Variants in SDK1 observed in about 807,000 individuals in gnomAD.
SDK1 encodes protein sidekick-1.
SDK1 carries 157 observed loss-of-function variants against 245.5 expected under a neutral mutation model. That is an observed-to-expected ratio of 0.64 (90% CI 0.56 to 0.73). SDK1 has a LOEUF of 0.73. Among genes scored for constraint, SDK1 ranks in the 30% least tolerant of loss-of-function variants. The pLI is 0.00. For synonymous variants in SDK1, 1,647 were observed against 1,278.5 expected, an observed-to-expected ratio of 1.29 and a Z score of -6.15; for missense variants, 3,583 against 3,002.3, an observed-to-expected ratio of 1.19 and a Z score of -4.52.
intron 5 of SDK1, among the ~76,000 whole-genome samples, chr7:3,884,306 G>A (rs191034132): frequency 5.7e-4 from 87 of 152,240 alleles, no homozygotes; most frequent in African/African-American, 1.8e-3. Flanking sequence ...ACTAGACTGA[G>A]GCTCAGTGAG....
rs1444136052 is a variant in SDK1 at position 4,043,084 on chromosome 7, C to G, written c.2603-6264C>G. Among the ~76,000 whole-genome samples, 4 of 151,832 alleles carry G rather than the reference C, an allele frequency of 2.6e-5. No homozygotes were observed. In the East Asian group the frequency reaches 7.7e-4, roughly 29 times the overall value. Reference sequence around the variant, plus strand: ...ACAGGTCAGGCTCCGAATCTGACACCAGGGAGCCCAGGTAGAGTGAGTGTC... The same window carrying G: ...ACAGGTCAGGCTCCGAATCTGACACGAGGGAGCCCAGGTAGAGTGAGTGTC... On this transcript the variant is annotated intron_variant, in intron 17 of 44. Transcript: ENST00000404826.
intron 1 of SDK1, among the ~76,000 whole-genome samples, chr7:3,562,432 C>A (rs142852911): frequency 6.6e-6 from 1 of 152,214 alleles, no homozygotes; most frequent in African/African-American, 2.4e-5. Flanking sequence ...TTCTGAATAC[C>A]ATGTTAGCTA....
intron 1 of SDK1, among the ~76,000 whole-genome samples, chr7:3,458,184 C>T (rs79453028): frequency 0.037 from 5,610 of 151,236 alleles, 325 homozygotes; most frequent in African/African-American, 0.12. Context: ...TGATCTGGGT[C>T]TTGGTGGGTT....
chr7:3,943,159 A>G (rs1285214587), intron 5 of SDK1, among the ~76,000 whole-genome samples: 1 of 152,204 alleles, frequency 6.6e-6, no homozygotes, highest in South Asian at 2.1e-4. Context: ...TATTCTGGAA[A>G]ATCCCACTGC....
At chr7:3,960,425 C>A (rs1781586355) in intron 8 of SDK1, among the ~76,000 whole-genome samples, 1 of 152,240 alleles carries the variant, frequency 6.6e-6, no homozygotes, top group African/African-American at 2.4e-5. Context: ...GGACTTAGAA[C>A]AAATGCCATT....
At chr7:3,857,021 A>G (rs1780564028) in intron 5 of SDK1, among the ~76,000 whole-genome samples, 1 of 152,188 alleles carries the variant, frequency 6.6e-6, no homozygotes, top group African/African-American at 2.4e-5. Flanking sequence ...AACCAAGTAG[A>G]TTGAATCCCC....
intron 1 of SDK1, among the ~76,000 whole-genome samples, chr7:3,313,392 C>T (rs758424609): frequency 3.3e-5 from 5 of 151,902 alleles, no homozygotes; most frequent in South Asian, 2.1e-4. Flanking sequence ...GGCGACGGAG[C>T]GAGACTCCAT....
chr7:3,603,774 AATGCTTCTAGTTTT>A (rs1445822880), intron 1 of SDK1, among the ~76,000 whole-genome samples: 9 of 152,126 alleles, frequency 5.9e-5, no homozygotes, highest in African/African-American at 2.2e-4. Flanking sequence ...TTTTAAAGGG[AATGCTTCTAGTTTT>A]TGCGCATTCA....
intron 1 of SDK1, among the ~76,000 whole-genome samples, chr7:3,543,754 T>C (rs1033054993): frequency 3.3e-5 from 5 of 152,352 alleles, no homozygotes; most frequent in Admixed American, 6.5e-5. Context: ...TTAAATTCTA[T>C]TGATGTTCGT....
chr7:3,711,071 T>C (rs10266883), intron 4 of SDK1, among the ~76,000 whole-genome samples: 17,499 of 151,238 alleles, frequency 0.12, 1,412 homozygotes, highest in African/African-American at 0.23. Flanking sequence ...TGGCAACTTA[T>C]ATTATTTTTC....
intron 4 of SDK1, among the ~76,000 whole-genome samples, chr7:3,688,734 T>C (rs1007515213): frequency 6.6e-5 from 10 of 152,174 alleles, no homozygotes; most frequent in Non-Finnish European, 1.3e-4. Flanking sequence ...CAGTGAACTT[T>C]TTAGAGGGAA....
At chr7:4,118,512 C>G (rs1454688820) in intron 25 of SDK1, among the ~76,000 whole-genome samples, 2 of 152,214 alleles carry the variant, frequency 1.3e-5, no homozygotes, top group African/African-American at 2.4e-5. Flanking sequence ...CGTTGGAAAA[C>G]AGTTGGCATT....
intron 4 of SDK1, among the ~76,000 whole-genome samples, chr7:3,660,042 G>A (rs1435575999): frequency 6.6e-6 from 1 of 152,160 alleles, no homozygotes; most frequent in Non-Finnish European, 1.5e-5. Context: ...CCAGATGTTT[G>A]TAAACACACG....
intron 1 of SDK1, among the ~76,000 whole-genome samples, chr7:3,346,103 T>C (rs1016768257): frequency 6.6e-6 from 1 of 152,248 alleles, no homozygotes; most frequent in African/African-American, 2.4e-5. Context: ...CAACTTGTGA[T>C]ACTGCATCCT....
chr7:3,943,085 A>T (rs1301299440), intron 5 of SDK1, among the ~76,000 whole-genome samples: 1 of 152,206 alleles, frequency 6.6e-6, no homozygotes, highest in Admixed American at 6.5e-5. Flanking sequence ...TCGGCTGTGA[A>T]TCCAGACACG....
chr7:4,245,601 A>G, intron 43 of SDK1, 75 bp from the exon 44 acceptor site: 1 of 1,550,874 alleles, frequency 6.4e-7, no homozygotes, highest in Non-Finnish European at 8.8e-7. Context: ...TAAAGGCCAA[A>G]TGCCAGGTTA....
intron 24 of SDK1, 72 bp downstream of exon 24, chr7:4,113,511 G>T: frequency 6.6e-7 from 1 of 1,525,908 alleles, no homozygotes; most frequent in Middle Eastern, 1.7e-4. Context: ...CTAATCCAGG[G>T]CTTAGGAGTT....
intron 1 of SDK1, among the ~76,000 whole-genome samples, chr7:3,461,103 G>A (rs913596142): frequency 6.6e-6 from 1 of 152,070 alleles, no homozygotes; most frequent in African/African-American, 2.4e-5. Flanking sequence ...CATATATGAT[G>A]GTTGATGTGT....
chr7:3,533,272 G>C (rs1783410352), intron 1 of SDK1, among the ~76,000 whole-genome samples: 1 of 152,138 alleles, frequency 6.6e-6, no homozygotes. Flanking sequence ...TAAGTAAACA[G>C]TACTGACAAG....
Sources: gnomAD v4.1 joint callset for allele counts (sites outside exome capture counted in the v4.1 genomes callset) on GRCh38, gnomAD v4.1.1 for gene constraint, MANE v1.5 for transcripts, NCBI Gene and HGNC (gene_info 2026-07-23, HGNC 2026-07-21) for gene names.